The following LRP5 variants were observed in gnomAD, a reference collection of about 807,000 sequenced individuals.
LRP5 encodes LDL receptor related protein 5.
In LRP5, 62 loss-of-function variants were observed where a neutral mutation model predicts 154.1. That is an observed-to-expected ratio of 0.40 (90% CI 0.33 to 0.50). LRP5 has a LOEUF of 0.50. Ranked by LOEUF, LRP5 falls within the 20% of genes least tolerant of loss-of-function variation. The pLI, the probability that LRP5 is intolerant of heterozygous loss-of-function variation, is 0.55. For synonymous variants in LRP5, 966 were observed against 1,011.5 expected (o/e 0.96, Z 0.85); for missense variants, 1,915 against 2,336.7 (o/e 0.82, Z 3.72).
At chr11:68,433,533 C>G (rs975554823) in intron 17 of LRP5, 69 bp from the exon 18 acceptor site, 113 of 1,357,328 alleles carry the variant, frequency 8.3e-5, no homozygotes, top group Non-Finnish European at 1.1e-4. Context: ...CTTTGAAGCC[C>G]AGTCACGCCA....
rs201547952 is a variant in LRP5, at chr11:68,386,616, G to A, written c.1316G>A (p.Arg439His). 5.0e-6 allele frequency: 8 copies of A among 1,613,524 alleles called. No homozygotes were observed. The highest frequency in any genetic ancestry group is 1.6e-4 in the Middle Eastern group (1 of 6,084). ...TACTGGACCGACACGGGCACGGACC[G>A]CATCGAGGTGACGCGCCTCAACGGC... ...NLYWTDTGTD[R>H]IEVTRLNGTS... The change falls in exon 6 of 23, where the codon CGC becomes CAC. Residue 439 changes from arginine to histidine, a missense_variant. By Grantham distance (29) the Arg-to-His change is conservative (BLOSUM62 0). Around this residue, in one of 3 missense-constraint regions of LRP5, gnomAD observed 773 missense variants for 1,100.9 expected, o/e 0.70. Transcript: ENST00000294304. The surrounding 1 kb of genome is among the most constrained non-coding windows in gnomAD (Gnocchi z 7.9).
chr11:68,424,873 C>T (rs1405964026), intron 14 of LRP5, among the ~76,000 whole-genome samples: 1 of 152,236 alleles, frequency 6.6e-6, no homozygotes, highest in African/African-American at 2.4e-5. Flanking sequence ...TATCTTGATC[C>T]TTCATGACAT....
chr11:68,425,140 A>G lies in LRP5; in HGVS notation c.3275A>G (p.Lys1092Arg), dbSNP rs2098667957. ...ACCAACATGCAGGACCGGGCAGCCA[A>G]GATCGAACGCGCAGCCCTGGACGGC... Reference protein sequence around the residue: ...YFTNMQDRAAKIERAALDGTE... With the variant: ...YFTNMQDRAARIERAALDGTE... Residue 1092 changes from lysine to arginine, a missense_variant, in exon 15 of 23, where the codon AAG (lysine) becomes AGG (arginine). Lys to Arg is a conservative substitution (Grantham distance 26, BLOSUM62 2). Coordinates refer to ENST00000294304, the MANE Select transcript of LRP5 (RefSeq NM_002335.4). 3 of 1,613,732 alleles carry G rather than the reference A, an allele frequency of 1.9e-6. No homozygotes were observed. Among genetic ancestry groups the G allele is most frequent in the Non-Finnish European group, 2.5e-6 (3 of 1,179,880 alleles).
At chr11:68,381,845 A>G (rs1035774986) in intron 5 of LRP5, among the ~76,000 whole-genome samples, 3 of 152,128 alleles carry the variant, frequency 2.0e-5, no homozygotes, top group Admixed American at 6.5e-5. Context: ...CCCCGTGGCC[A>G]TGGCTGCTGC....
In LRP5 at chr11:68,406,717, C is replaced by G; in HGVS notation, c.1995C>G (p.Asn665Lys). The G allele has an allele frequency of 6.2e-7, 1 of 1,614,184 alleles. No individual in the cohort carries two copies. The highest frequency in any genetic ancestry group is 8.5e-7 in the Non-Finnish European group (1 of 1,180,040). Residue 665 changes from asparagine to lysine, a missense_variant, in exon 9 of 23, where the codon AAC becomes AAG. Asn to Lys is a moderately conservative substitution (Grantham distance 94). This residue lies in a region of LRP5 where 773 missense variants were observed against 1,100.9 expected (regional missense o/e 0.70). Transcript: ENST00000294304. ...GGATCTCCCTCGAGACCAATAACAA[C>G]GACGTGGCCATCCCGCTCACGGGCG... ...IHRISLETNN[N>K]DVAIPLTGVK...
intron 5 of LRP5, among the ~76,000 whole-genome samples, chr11:68,379,059 A>T (rs1369109533): frequency 1.3e-5 from 2 of 152,116 alleles, no homozygotes; most frequent in Non-Finnish European, 2.9e-5. Flanking sequence ...AAAAAAAATA[A>T]AAATAAAATA....
At chr11:68,363,390 C>T (rs1477824751) in intron 3 of LRP5, among the ~76,000 whole-genome samples, 4 of 152,118 alleles carry the variant, frequency 2.6e-5, no homozygotes, top group African/African-American at 4.8e-5. Flanking sequence ...GGCATGGTGG[C>T]GCACGCCTGT....
At chr11:68,424,632 T>C (rs1041697224) in intron 14 of LRP5, among the ~76,000 whole-genome samples, 1 of 152,190 alleles carries the variant, frequency 6.6e-6, no homozygotes, top group Admixed American at 6.5e-5. Context: ...AATGGACACT[T>C]GTTCTCTCAC....
chr11:68,440,023 C>A, intron 21 of LRP5, 107 bp downstream of exon 21: 2 of 981,284 alleles, frequency 2.0e-6, no homozygotes, highest in Non-Finnish European at 2.9e-6. Flanking sequence ...GCTGTGCCAC[C>A]GCCTCTGAGG....
At chr11:68,414,066 C>T in intron 12 of LRP5, 54 bp downstream of exon 12, 1 of 1,531,706 alleles carries the variant, frequency 6.5e-7, no homozygotes, top group Non-Finnish European at 8.9e-7. Flanking sequence ...CAGGCTGGTT[C>T]TGGGAGCTGA....
At chr11:68,374,368 G>A (rs896994535) in intron 5 of LRP5, among the ~76,000 whole-genome samples, 3 of 152,226 alleles carry the variant, frequency 2.0e-5, no homozygotes, top group Non-Finnish European at 4.4e-5. Context: ...CTGTGGGGCC[G>A]AGTCTGCCGC....
intron 1 of LRP5, among the ~76,000 whole-genome samples, chr11:68,329,166 C>T (rs1348012563): frequency 2.0e-5 from 3 of 152,110 alleles, no homozygotes; most frequent in African/African-American, 7.2e-5. Flanking sequence ...CTGTGGGGTA[C>T]GTGTTTAATG....
At chr11:68,398,505 G>A (rs1170278915) in intron 7 of LRP5, among the ~76,000 whole-genome samples, 1 of 152,140 alleles carries the variant, frequency 6.6e-6, no homozygotes, top group Non-Finnish European at 1.5e-5. Flanking sequence ...ACAGCCTCTC[G>A]GGTCTAGTTT....
At chr11:68,324,457 A>G (rs1261489836) in intron 1 of LRP5, among the ~76,000 whole-genome samples, 1 of 152,086 alleles carries the variant, frequency 6.6e-6, no homozygotes, top group African/African-American at 2.4e-5. Context: ...AGCTCCAGAG[A>G]GCCATGGCTG....
chr11:68,372,352 G>A (rs2098634552), intron 5 of LRP5, among the ~76,000 whole-genome samples: 3 of 148,988 alleles, frequency 2.0e-5, no homozygotes, highest in Non-Finnish European at 4.4e-5. Context: ...TGGTGGTGAG[G>A]AGGTGCAGTG....
Position 68,380,413 on chromosome 11 carries a change from G to A in LRP5, c.1016-5903G>A, listed in dbSNP as rs555044440. Among the ~76,000 whole-genome samples, 470 of 152,296 alleles carry A rather than the reference G, an allele frequency of 3.1e-3. 3 individuals carry two copies. The highest frequency in any genetic ancestry group is 6.1e-3 in the African/African-American group (253 of 41,564). ...GAGCTGAGGAGGCGGGAAGGAGACC[G>A]TGCAGGCCGCAGCACCGAAAATATT... On this transcript the variant is annotated intron_variant, in intron 5 of 22. Coordinates refer to ENST00000294304, the MANE Select transcript of LRP5 (RefSeq NM_002335.4).
intron 5 of LRP5, among the ~76,000 whole-genome samples, chr11:68,382,503 C>T (rs1204208076): frequency 6.6e-6 from 1 of 152,182 alleles, no homozygotes; most frequent in Non-Finnish European, 1.5e-5. Context: ...TATGTGTTCA[C>T]GGATGGTGTC....
Position 68,348,212 on chromosome 11 carries a change from C to A in LRP5, c.457C>A (p.Pro153Thr). The A allele has an allele frequency of 6.2e-7, 1 of 1,609,716 alleles. No homozygotes were observed. The highest frequency in any genetic ancestry group is 2.2e-5 in the East Asian group (1 of 44,890). ...KVLFWQDLDQ[P>T]RAIALDPAHG... is the part of the protein sequence containing the mutation. ...GCTCTTCTGGCAGGACCTTGACCAG[C>A]CGAGGGCCATCGCCTTGGACCCCGC... The change falls in exon 2 of 23, where the codon CCG (proline) becomes ACG (threonine). Residue 153 changes from proline to threonine, a missense_variant. Transcript: ENST00000294304.
chr11:68,343,179 C>T (rs1391560648), intron 1 of LRP5, among the ~76,000 whole-genome samples: 1 of 152,236 alleles, frequency 6.6e-6, no homozygotes, highest in African/African-American at 2.4e-5. Flanking sequence ...CTTGAGCACC[C>T]ACGGTGGTGG....
Sources: allele counts gnomAD v4.1 joint callset (sites outside exome capture counted in the v4.1 genomes callset), GRCh38; gene constraint gnomAD v4.1.1; regional missense constraint gnomAD v4.1.1; non-coding constraint Gnocchi (gnomAD v3.1); transcripts MANE v1.5; gene names NCBI Gene and HGNC (gene_info 2026-07-23, HGNC 2026-07-21).